The following VWA3B variants were observed in gnomAD, a reference collection of about 807,000 sequenced individuals.
VWA3B encodes the protein von Willebrand factor A domain containing 3B, also known as von Willebrand factor A domain-containing protein 3B.
VWA3B carries 138 observed loss-of-function variants against 158.3 expected under a neutral mutation model. The observed-to-expected ratio is 0.87, with a 90% CI of 0.76 to 1.00. The LOEUF (loss-of-function observed/expected upper bound fraction) is 1.00, where lower values mean the gene tolerates loss of function less well. VWA3B is among the 50% of genes least tolerant of loss of function. The probability of loss-of-function intolerance (pLI) is 0.00; values close to 1 mark genes in which losing one functional copy is unlikely to be tolerated. For missense variants in VWA3B, 1,555 were observed against 1,565.1 expected (o/e 0.99, Z 0.11); for synonymous variants, 596 against 587.3 (o/e 1.01, Z -0.21).
Position 98,303,715 on chromosome 2 carries a change from G to C in VWA3B, c.3434G>C (p.Arg1145Pro), listed in dbSNP as rs760289046. ...GTATTATTACAGGAATTTTGCCCTC[G>C]GAGTGCACTTATTAAGATCAGCCAA... ...KCNNRREFCP[R>P]SALIKISQNK... The change falls in exon 26 of 28, where the codon CGG (arginine) becomes CCG (proline). Residue 1145 changes from arginine to proline, a missense_variant. Coordinates refer to ENST00000477737, the MANE Select transcript of VWA3B (RefSeq NM_144992.5). 6.2e-7 allele frequency: 1 copy of C among 1,613,846 alleles called. No homozygotes were observed. Among genetic ancestry groups the C allele is most frequent in the Admixed American group, 1.7e-5 (1 of 59,972 alleles).
intron 19 of VWA3B, among the ~76,000 whole-genome samples, chr2:98,248,885 C>CTTTCTTTCTTTCTTTCTCTT (rs75531074): frequency 3.4e-4 from 20 of 58,044 alleles, no homozygotes; most frequent in African/African-American, 1.3e-3. Flanking sequence ...CTTTCTTTCT[C>CTTTCTTTCTTTCTTTCTCTT]TCTTTCCTTT....
intron 12 of VWA3B, among the ~76,000 whole-genome samples, chr2:98,202,555 T>A (rs945517343): frequency 2.0e-5 from 3 of 152,158 alleles, no homozygotes; most frequent in Non-Finnish European, 4.4e-5. Context: ...TTTGTTTTTT[T>A]AAATTAAATC....
chr2:98,290,220 C>T (rs1259395651), intron 22 of VWA3B, among the ~76,000 whole-genome samples: 1 of 152,164 alleles, frequency 6.6e-6, no homozygotes, highest in Non-Finnish European at 1.5e-5. Context: ...CACATATTCA[C>T]ATGGCCAGCA....
chr2:98,288,377 G>A (rs1689288890), intron 22 of VWA3B, among the ~76,000 whole-genome samples: 2 of 152,198 alleles, frequency 1.3e-5, no homozygotes, highest in African/African-American at 4.8e-5. Flanking sequence ...GCTATTCACA[G>A]CTTAAGTCTG....
chr2:98,236,205 G>A (rs1685665699), intron 17 of VWA3B, among the ~76,000 whole-genome samples, 185 bp from the exon 18 acceptor site: 1 of 152,192 alleles, frequency 6.6e-6, no homozygotes, highest in Admixed American at 6.5e-5. Context: ...GCATTGGTCT[G>A]TAGTGTAAAT....
At chr2:98,092,441 G>A (rs11695490) in intron 1 of VWA3B, among the ~76,000 whole-genome samples, 25,974 of 152,132 alleles carry the variant, frequency 0.17, 2,331 homozygotes, top group Middle Eastern at 0.25. Flanking sequence ...TCAGCAGTTC[G>A]AGACCAGCCT....
chr2:98,241,659 G>T (rs560772994), intron 19 of VWA3B, among the ~76,000 whole-genome samples: 2 of 152,076 alleles, frequency 1.3e-5, no homozygotes, highest in East Asian at 1.9e-4. Flanking sequence ...TGTTCTTCAG[G>T]GGGGCATCCT....
intron 19 of VWA3B, among the ~76,000 whole-genome samples, chr2:98,237,895 A>G (rs1685809261): frequency 1.3e-5 from 2 of 152,182 alleles, no homozygotes; most frequent in Non-Finnish European, 1.5e-5. Context: ...GGGAGAGTAG[A>G]TGAAATAGAT....
chr2:98,104,425 G>C (rs1033165050), intron 2 of VWA3B, among the ~76,000 whole-genome samples: 1 of 152,164 alleles, frequency 6.6e-6, no homozygotes, highest in Non-Finnish European at 1.5e-5. Context: ...CAGAGCGGAA[G>C]AGGGACCAGG....
chr2:98,187,542 C>T, intron 9 of VWA3B, among the ~76,000 whole-genome samples: 1 of 152,212 alleles, frequency 6.6e-6, no homozygotes, highest in Non-Finnish European at 1.5e-5. Flanking sequence ...CACTGTCGCT[C>T]TCTCTTCTTT....
intron 22 of VWA3B, among the ~76,000 whole-genome samples, chr2:98,289,030 T>C (rs558883587): frequency 4.6e-4 from 70 of 152,352 alleles, no homozygotes; most frequent in African/African-American, 1.6e-3. Context: ...ATAAATATTG[T>C]TCAATACTGG....
At chr2:98,087,696 A>C (rs1014327613) in intron 1 of VWA3B, among the ~76,000 whole-genome samples, 3 of 152,206 alleles carry the variant, frequency 2.0e-5, no homozygotes, top group Admixed American at 2.0e-4. Context: ...CAAGGTGATG[A>C]AGTCCACCTG....
chr2:98,250,517 C>CTTT, intron 20 of VWA3B, 81 bp downstream of exon 20: 36 of 875,354 alleles, frequency 4.1e-5, no homozygotes, highest in East Asian at 9.3e-5. Context: ...TTTAGCTTAG[C>CTTT]TTTTTTTTTT....
intron 26 of VWA3B, 39 bp downstream of exon 26, chr2:98,303,841 A>G: frequency 6.3e-7 from 1 of 1,583,310 alleles, no homozygotes; most frequent in Non-Finnish European, 8.7e-7. Context: ...ATATTAATTT[A>G]TATCCTTGCA....
At chr2:98,251,575 G>A (rs142581064) in intron 20 of VWA3B, among the ~76,000 whole-genome samples, 1 of 152,266 alleles carries the variant, frequency 6.6e-6, no homozygotes, top group African/African-American at 2.4e-5. Flanking sequence ...AGGCCAGCCT[G>A]TCCTCGGTTC....
intron 6 of VWA3B, among the ~76,000 whole-genome samples, chr2:98,133,200 A>G (rs1231755087): frequency 1.3e-5 from 2 of 152,158 alleles, no homozygotes; most frequent in African/African-American, 2.4e-5. Context: ...TGGACTCCAC[A>G]GGGCTGGGTG....
intron 7 of VWA3B, among the ~76,000 whole-genome samples, chr2:98,135,283 C>A (rs937644803): frequency 6.6e-6 from 1 of 151,436 alleles, no homozygotes; most frequent in Non-Finnish European, 1.5e-5. Flanking sequence ...TACCATCTTA[C>A]CAACCCTTTG....
chr2:98,187,664 C>CTG (rs3066239), intron 9 of VWA3B, among the ~76,000 whole-genome samples: 35,093 of 141,558 alleles, frequency 0.25, 4,714 homozygotes, highest in African/African-American at 0.38. Flanking sequence ...GTCTCTGTGT[C>CTG]TGTGTGTGTG....
intron 22 of VWA3B, among the ~76,000 whole-genome samples, chr2:98,286,116 A>C (rs895907075): frequency 6.6e-6 from 1 of 152,022 alleles, no homozygotes; most frequent in Non-Finnish European, 1.5e-5. Context: ...TTTTCAGTAC[A>C]CTTATCTTGT....
Sources: allele counts gnomAD v4.1 joint callset (sites outside exome capture counted in the v4.1 genomes callset), GRCh38; gene constraint gnomAD v4.1.1; transcripts MANE v1.5; gene names NCBI Gene and HGNC (gene_info 2026-07-23, HGNC 2026-07-21).